The following TEAD1 variants were observed in gnomAD, a reference collection of about 807,000 sequenced individuals.
TEAD1 encodes the protein TEA domain transcription factor 1.
In TEAD1, 9 loss-of-function variants were observed where a neutral mutation model predicts 54.9. The observed-to-expected ratio is 0.16, with a 90% CI of 0.10 to 0.29. The LOEUF is 0.29. Among genes scored for constraint, TEAD1 ranks in the 10% least tolerant of loss-of-function variants. The pLI is 1.00. For missense variants in TEAD1, 387 were observed against 535.9 expected (o/e 0.72, Z 2.74); for synonymous variants, 200 against 187.8 (o/e 1.07, Z -0.53).
chr11:12,868,031 G>A (rs867042540), intron 5 of TEAD1, among the ~76,000 whole-genome samples: 1 of 152,178 alleles, frequency 6.6e-6, no homozygotes, highest in African/African-American at 2.4e-5. Flanking sequence ...AAAGGTCTAT[G>A]GTCCTCATGT....
intron 5 of TEAD1, among the ~76,000 whole-genome samples, chr11:12,873,177 T>C (rs1035844497): frequency 2.0e-5 from 3 of 152,180 alleles, no homozygotes; most frequent in African/African-American, 7.2e-5. Context: ...TTGAAAGAAA[T>C]AGAAGAAGGA....
chr11:12,831,806 T>C (rs887835504), intron 3 of TEAD1, among the ~76,000 whole-genome samples: 12 of 151,830 alleles, frequency 7.9e-5, no homozygotes, highest in African/African-American at 2.9e-4. Context: ...ATGTAGAGTC[T>C]CAGTTTGCCT....
Position 12,710,936 on chromosome 11 carries a change from G to C in TEAD1, c.-55+35375G>C, listed in dbSNP as rs116713260. Among the ~76,000 whole-genome samples, 1,111 of 152,276 alleles carry C rather than the reference G, an allele frequency of 7.3e-3. 20 individuals are homozygous for C. Among genetic ancestry groups the C allele is most frequent in the African/African-American group, 0.025 (1,049 of 41,544 alleles). ...GATGGCATTGCAGGCAGAGGGCCCA[G>C]CTGGTACAAAGGCACAGACATAGGA... On this transcript the variant is annotated intron_variant, in intron 2 of 12. Coordinates refer to ENST00000527636, the MANE Select transcript of TEAD1 (RefSeq NM_021961.6).
chr11:12,771,766 A>G (rs1945315671), intron 3 of TEAD1, among the ~76,000 whole-genome samples: 1 of 152,170 alleles, frequency 6.6e-6, no homozygotes, highest in Admixed American at 6.5e-5. Flanking sequence ...ATGGCCTGTG[A>G]TGCCCAGGCT....
intron 3 of TEAD1, among the ~76,000 whole-genome samples, chr11:12,775,972 C>G (rs56968831): frequency 0.1 from 14,895 of 146,504 alleles, 2,536 homozygotes; most frequent in African/African-American, 0.39. Context: ...TTACTGGCGG[C>G]GGGGGGTTCA....
chr11:12,809,325 A>G (rs1228645596), intron 3 of TEAD1, among the ~76,000 whole-genome samples: 5 of 152,098 alleles, frequency 3.3e-5, no homozygotes, highest in Non-Finnish European at 7.4e-5. Context: ...TAGAGCCTTT[A>G]TTTCCACTCT....
intron 2 of TEAD1, among the ~76,000 whole-genome samples, chr11:12,729,858 T>C (rs1944384911): frequency 1.3e-5 from 2 of 152,318 alleles, no homozygotes; most frequent in South Asian, 4.1e-4. Context: ...CCTCATATCT[T>C]ATGAGATGCC....
intron 3 of TEAD1, among the ~76,000 whole-genome samples, chr11:12,816,784 T>G (rs1407619353): frequency 1.3e-5 from 2 of 152,180 alleles, no homozygotes; most frequent in Admixed American, 6.5e-5. Flanking sequence ...TAAGACCTGG[T>G]TCCTGCTCTT....
chr11:12,815,931 G>C (rs144754675), intron 3 of TEAD1, among the ~76,000 whole-genome samples: 3 of 152,230 alleles, frequency 2.0e-5, no homozygotes, highest in Admixed American at 2.0e-4. Flanking sequence ...TGTATATGAC[G>C]TAGAGCTAAT....
At chr11:12,845,314 C>T (rs771108313) in intron 3 of TEAD1, among the ~76,000 whole-genome samples, 1 of 152,108 alleles carries the variant, frequency 6.6e-6, no homozygotes, top group Non-Finnish European at 1.5e-5. Context: ...TTGCAGCTCT[C>T]TCTGCAGGGA....
At chr11:12,696,590 G>A (rs937107699) in intron 2 of TEAD1, among the ~76,000 whole-genome samples, 1 of 152,194 alleles carries the variant, frequency 6.6e-6, no homozygotes, top group African/African-American at 2.4e-5. Flanking sequence ...TTCTGATTCA[G>A]GGGTCTTCAG....
chr11:12,911,599 A>G (rs78071717), intron 10 of TEAD1, among the ~76,000 whole-genome samples: 1,616 of 152,204 alleles, frequency 0.011, 21 homozygotes, highest in African/African-American at 0.037. Context: ...AAGAAAGATT[A>G]GTGAGAAGTA....
At chr11:12,714,959 A>G (rs1205682591) in intron 2 of TEAD1, among the ~76,000 whole-genome samples, 1 of 152,158 alleles carries the variant, frequency 6.6e-6, no homozygotes, top group Non-Finnish European at 1.5e-5. Flanking sequence ...ACTTGGGATT[A>G]GGGGTTCAAC....
chr11:12,859,100 T>G (rs1947448654), intron 3 of TEAD1, among the ~76,000 whole-genome samples: 1 of 152,216 alleles, frequency 6.6e-6, no homozygotes, highest in South Asian at 2.1e-4. Flanking sequence ...GGTGCATGAT[T>G]GTACTTCAGT....
intron 2 of TEAD1, among the ~76,000 whole-genome samples, chr11:12,719,032 C>A (rs1291624363): frequency 6.6e-6 from 1 of 151,328 alleles, no homozygotes; most frequent in Non-Finnish European, 1.5e-5. Flanking sequence ...GTCTTCTGAA[C>A]AACGCGTTTT....
intron 3 of TEAD1, among the ~76,000 whole-genome samples, chr11:12,859,457 A>G (rs1461665773): frequency 1.3e-5 from 2 of 152,206 alleles, no homozygotes; most frequent in Non-Finnish European, 2.9e-5. Context: ...GCTTGTCTGC[A>G]GACATTGTCA....
chr11:12,872,508 G>A (rs887145553), intron 5 of TEAD1, among the ~76,000 whole-genome samples: 2 of 152,138 alleles, frequency 1.3e-5, no homozygotes, highest in Admixed American at 1.3e-4. Flanking sequence ...TTAACTGAAC[G>A]AAAACTAAGA....
At chr11:12,933,407 A>G (rs1486407764) in intron 12 of TEAD1, among the ~76,000 whole-genome samples, 1 of 152,222 alleles carries the variant, frequency 6.6e-6, no homozygotes, top group Non-Finnish European at 1.5e-5. Flanking sequence ...GAGAAATTGT[A>G]CCTCATATAA....
chr11:12,835,600 G>A (rs1027188535), intron 3 of TEAD1, among the ~76,000 whole-genome samples: 193 of 152,066 alleles, frequency 1.3e-3, no homozygotes, highest in Middle Eastern at 6.8e-3. Context: ...GATTATAGGC[G>A]TGAGCCACCG....
Sources: gnomAD v4.1 joint callset for allele counts (sites outside exome capture counted in the v4.1 genomes callset) on GRCh38, gnomAD v4.1.1 for gene constraint, MANE v1.5 for transcripts, NCBI Gene and HGNC (gene_info 2026-07-23, HGNC 2026-07-21) for gene names.